KLB: variants seen among roughly 807,000 people sequenced by gnomAD.
KLB encodes the protein klotho beta, also known as beta-klotho.
Under a neutral mutation model 88.4 loss-of-function variants are expected in KLB, and 44 were observed. The observed-to-expected ratio is 0.50, with a 90% CI of 0.39 to 0.64. The LOEUF (loss-of-function observed/expected upper bound fraction) is 0.64, where lower values mean the gene tolerates loss of function less well. Among genes scored for constraint, KLB ranks in the 30% least tolerant of loss-of-function variants. KLB has a pLI of 0.00. For missense variants in KLB, 1,137 were observed against 1,304.8 expected (o/e 0.87, Z 1.98); for synonymous variants, 548 against 513.4 (o/e 1.07, Z -0.91).
chr4:39,417,386 C>T (rs1742987894), intron 1 of KLB, among the ~76,000 whole-genome samples: 1 of 152,138 alleles, frequency 6.6e-6, no homozygotes, highest in African/African-American at 2.4e-5. Flanking sequence ...GTGATCTCAG[C>T]TCACCGTAAC....
intron 1 of KLB, among the ~76,000 whole-genome samples, chr4:39,423,910 G>T (rs1378999285): frequency 1.3e-5 from 2 of 151,640 alleles, no homozygotes; most frequent in African/African-American, 4.9e-5. Context: ...ATCTGGCCAG[G>T]TACAGTAGCT....
chr4:39,431,333 C>A (rs1242374131), intron 1 of KLB, among the ~76,000 whole-genome samples: 3 of 152,102 alleles, frequency 2.0e-5, no homozygotes, highest in African/African-American at 7.2e-5. Context: ...ATCACTGCAA[C>A]CTCCGCCTCC....
intron 1 of KLB, among the ~76,000 whole-genome samples, chr4:39,412,817 A>G (rs1010823748): frequency 1.3e-5 from 2 of 152,212 alleles, no homozygotes; most frequent in African/African-American, 4.8e-5. Context: ...ATTTGTACAT[A>G]TTAGGTGTAA....
chr4:39,413,588 G>A (rs888174740), intron 1 of KLB, among the ~76,000 whole-genome samples: 4 of 151,874 alleles, frequency 2.6e-5, no homozygotes, highest in Admixed American at 6.6e-5. Flanking sequence ...GCTGAGAGTG[G>A]TGGCACATAC....
In KLB at chr4:39,446,276, A is replaced by G; in HGVS notation, c.1606-56A>G. ...TTTGGGAGGCAGAGGTAGGCAGATC[A>G]CTTGAGCCTCCATCTGCCAGCGCAT... On this transcript the variant is annotated intron_variant, in intron 3 of 4. Coordinates refer to ENST00000257408, the MANE Select transcript of KLB (RefSeq NM_175737.4). The surrounding 1 kb of genome is among the most constrained non-coding windows in gnomAD (Gnocchi z 6.4). The G allele has an allele frequency of 6.7e-7, 1 of 1,490,986 alleles. No homozygotes were observed. 92.4% of individuals were successfully genotyped at this position (1,490,986 alleles called of 1,614,324 possible).
intron 3 of KLB, among the ~76,000 whole-genome samples, chr4:39,438,591 A>G (rs988655573): frequency 2.6e-5 from 4 of 152,118 alleles, no homozygotes; most frequent in Non-Finnish European, 4.4e-5. Flanking sequence ...CTGACATACT[A>G]TGTGCTTTCC....
At chr4:39,448,211 A>C (rs2109847713) in intron 4 of KLB, 90 bp from the exon 5 acceptor site, 1 of 1,007,286 alleles carries the variant, frequency 9.9e-7, no homozygotes, top group South Asian at 1.8e-5. Flanking sequence ...TATGGGCATA[A>C]TTTTAGCTTG....
At chr4:39,436,605 G>A (rs576449766) in intron 2 of KLB, among the ~76,000 whole-genome samples, 2 of 152,278 alleles carry the variant, frequency 1.3e-5, no homozygotes, top group South Asian at 4.1e-4. Context: ...CAGAGATGAG[G>A]AGGCATTTCT....
In KLB at chr4:39,432,881, AT is replaced by A. The variant is rs769537512; in HGVS notation, c.826-1315del. Reference sequence around the variant, plus strand: ...AAACCAGACAACAACCTTATAGGGGATTTTTTTTTTTTTTGAGACAGAGTTT... The same window carrying A: ...AAACCAGACAACAACCTTATAGGGGATTTTTTTTTTTTTGAGACAGAGTTT... On this transcript the variant is annotated intron_variant, in intron 1 of 4. Transcript: ENST00000257408. 7.1e-3 allele frequency among the ~76,000 whole-genome samples: 1,007 copies of A among 142,572 alleles called. 6 individuals are homozygous for A. The highest frequency in any genetic ancestry group is 0.016 in the African/African-American group (617 of 39,082). 93.5% of individuals were successfully genotyped at this position (142,572 alleles called of 152,430 possible).
At chr4:39,432,535 T>C (rs954863836) in intron 1 of KLB, among the ~76,000 whole-genome samples, 9 of 152,216 alleles carry the variant, frequency 5.9e-5, no homozygotes, top group African/African-American at 1.9e-4. Context: ...TTTTTTTTAA[T>C]TTAATGCCAT....
intron 1 of KLB, among the ~76,000 whole-genome samples, chr4:39,423,991 C>G (rs538010497): frequency 6.6e-6 from 1 of 151,754 alleles, no homozygotes; most frequent in Non-Finnish European, 1.5e-5. Context: ...ATAGTGAGAC[C>G]CTGTCTCTGC....
chr4:39,432,737 AAG>A (rs1431324656), intron 1 of KLB, among the ~76,000 whole-genome samples: 2 of 152,168 alleles, frequency 1.3e-5, no homozygotes, highest in Non-Finnish European at 1.5e-5. Flanking sequence ...GCTGTGTTGT[AAG>A]AGAGCTCAAC....
chr4:39,422,922 A>G (rs575453804), intron 1 of KLB, among the ~76,000 whole-genome samples: 4 of 150,738 alleles, frequency 2.7e-5, no homozygotes, highest in East Asian at 3.9e-4. Context: ...GCATGCCACA[A>G]TGCCTGGCTA....
At position 39,450,661 on chromosome 4, in the gene KLB, C is replaced by A. The variant is rs1174256435; in HGVS notation, c.*1975C>A. ...ACATCTCCCTCTGAGAACTATGTAC[C>A]TAAGGTCACGCATACAACTAGTCAA... On this transcript the variant is annotated 3_prime_UTR_variant, in exon 5 of 5. Coordinates refer to ENST00000257408, the MANE Select transcript of KLB (RefSeq NM_175737.4). 4 of 152,042 alleles carry A rather than the reference C, an allele frequency of 2.6e-5. No homozygotes were observed. Among genetic ancestry groups the A allele is most frequent in the Non-Finnish European group, 5.9e-5 (4 of 68,012 alleles). 9.4% of individuals were successfully genotyped at this position (152,042 alleles called of 1,614,324 possible).
chr4:39,439,313 A>T (rs1743544987), intron 3 of KLB, among the ~76,000 whole-genome samples: 1 of 151,080 alleles, frequency 6.6e-6, no homozygotes, highest in Non-Finnish European at 1.5e-5. Context: ...TAATCTTAAA[A>T]CCCTCATCTT....
chr4:39,446,699 CCGACGGGTGGCTGAACCCAT>C lies in KLB; in HGVS notation c.1980_1999del (p.Trp661ArgfsTer28). The C allele has an allele frequency of 6.2e-7, 1 of 1,610,382 alleles. No individual in the cohort carries two copies. The highest frequency in any genetic ancestry group is 8.5e-7 in the Non-Finnish European group (1 of 1,177,794). Reference sequence around the variant, plus strand: ...GGCCTCCCCGAGCCTCTGTTGCATGCCGACGGGTGGCTGAACCCATCGACGGCCGAGGCCTTCCAGGCCTA... The same window carrying C: ...GGCCTCCCCGAGCCTCTGTTGCATGCCGACGGCCGAGGCCTTCCAGGCCTA... On this transcript the variant is annotated frameshift_variant, in exon 4 of 5. Coordinates refer to ENST00000257408, the MANE Select transcript of KLB (RefSeq NM_175737.4). LOFTEE classifies it high-confidence loss of function. The surrounding 1 kb of genome is among the most constrained non-coding windows in gnomAD (Gnocchi z 6.4).
intron 2 of KLB, 76 bp downstream of exon 2, chr4:39,434,796 A>G: frequency 1.7e-6 from 2 of 1,154,588 alleles, no homozygotes; most frequent in East Asian, 2.4e-5. Flanking sequence ...TTGAATATGT[A>G]ACTATTATTG....
At chr4:39,428,656 C>G (rs985653498) in intron 1 of KLB, among the ~76,000 whole-genome samples, 8 of 152,074 alleles carry the variant, frequency 5.3e-5, no homozygotes, top group African/African-American at 1.7e-4. Context: ...AAACCAAAAA[C>G]AGCGTGGAAG....
chr4:39,415,471 G>C (rs1434275892), intron 1 of KLB, among the ~76,000 whole-genome samples: 1 of 151,996 alleles, frequency 6.6e-6, no homozygotes, highest in Non-Finnish European at 1.5e-5. Context: ...TCCAGCTTGG[G>C]TGATAGAGGG....
Sources: gnomAD v4.1 joint callset for allele counts (sites outside exome capture counted in the v4.1 genomes callset) on GRCh38, gnomAD v4.1.1 for gene constraint, Gnocchi (gnomAD v3.1) non-coding constraint, MANE v1.5 for transcripts, NCBI Gene and HGNC (gene_info 2026-07-23, HGNC 2026-07-21) for gene names.